DYNC2I1: variants seen among roughly 807,000 people sequenced by gnomAD.
The protein encoded by DYNC2I1 is cytoplasmic dynein 2 intermediate chain 1.
In DYNC2I1, 89 loss-of-function variants were observed where a neutral mutation model predicts 133.4. That is an observed-to-expected ratio of 0.67 (90% confidence interval 0.56 to 0.80). The LOEUF (loss-of-function observed/expected upper bound fraction) is 0.80. Ranked by LOEUF, DYNC2I1 falls within the 30% of genes least tolerant of loss-of-function variation. The pLI, the probability that DYNC2I1 is intolerant of heterozygous loss-of-function variation, is 0.00. For synonymous variants in DYNC2I1, 504 were observed against 484.3 expected (o/e 1.04, Z -0.54); for missense variants, 1,291 against 1,314.5 (o/e 0.98, Z 0.28).
In DYNC2I1 at chr7:158,927,019, A is replaced by T; in HGVS notation, c.2461A>T (p.Ile821Phe). 6.2e-7 allele frequency: 1 copy of T among 1,604,746 alleles called. No individual in the cohort carries two copies. The highest frequency in any genetic ancestry group is 8.5e-7 in the Non-Finnish European group (1 of 1,175,114). Residue 821 changes from isoleucine to phenylalanine, a missense_variant, in exon 20 of 25, where the codon ATC becomes TTC. Transcript: ENST00000407559. ...WVVVELPKAD[I>F]AGSISDLGLM... Reference sequence around the variant, plus strand: ...GGTTGTTGAATTACCAAAGGCAGACATCGCAGGTTCAATAAGTGATTTAGG... The same window carrying T: ...GGTTGTTGAATTACCAAAGGCAGACTTCGCAGGTTCAATAAGTGATTTAGG...
chr7:158,944,847 G>T (rs970640012), intron 24 of DYNC2I1, among the ~76,000 whole-genome samples: 1 of 152,158 alleles, frequency 6.6e-6, no homozygotes, highest in African/African-American at 2.4e-5. Context: ...CCCCAGCCAC[G>T]CCTGGAGTTG....
chr7:158,908,887 G>A (rs1007495244), intron 11 of DYNC2I1, among the ~76,000 whole-genome samples: 1 of 152,136 alleles, frequency 6.6e-6, no homozygotes, highest in Admixed American at 6.5e-5. Context: ...TCACCAGATG[G>A]CCCCAGGGTG....
intron 24 of DYNC2I1, among the ~76,000 whole-genome samples, chr7:158,943,758 C>T (rs1048434047): frequency 4.6e-5 from 7 of 152,158 alleles, no homozygotes; most frequent in Non-Finnish European, 8.8e-5. Flanking sequence ...TTAGGGGCAT[C>T]ATGGCTTTCC....
At chr7:158,841,200 TATATATATATA>T in the DYNC2I1 span, among the ~76,000 whole-genome samples, 2 of 49,418 alleles carry the variant, frequency 4.0e-5, no homozygotes, top group East Asian at 2.2e-3. Flanking sequence ...TATATATATA[TATATATATATA>T]TATATATATA....
Position 158,869,312 on chromosome 7 carries a change from G to A in DYNC2I1, c.16-543G>A, listed in dbSNP as rs1460764616. 1.4e-5 allele frequency: 5 copies of A among 359,980 alleles called. No individual in the cohort carries two copies. The Admixed American group carries it at 1.8e-4, about 13-fold the overall frequency. The allele number at this position is 359,980 out of a possible 1,614,324, so 22.3% of individuals were successfully genotyped here. A position where few individuals can be genotyped will look rare whatever the true frequency, so the allele number is the denominator to read the frequency against. ...AGGGACCCTCTGGGCTGTGGCATCT[G>A]CAGGGGCCTCTCCCCAGGGCTGCTT... On this transcript the variant is annotated intron_variant, in intron 1 of 24. Transcript: ENST00000407559.
At chr7:158,956,422 C>T (rs969555587) in intron 4 of DYNC2I1, among the ~76,000 whole-genome samples, 3 of 152,194 alleles carry the variant, frequency 2.0e-5, no homozygotes, top group East Asian at 1.9e-4. Context: ...AAAGCGGCAG[C>T]GGAGACAGCG....
At chr7:158,901,417 G>A (rs1357254571) in intron 8 of DYNC2I1, among the ~76,000 whole-genome samples, 1 of 151,852 alleles carries the variant, frequency 6.6e-6, no homozygotes, top group African/African-American at 2.4e-5. Flanking sequence ...GCACCATTCA[G>A]CGGGGAATAT....
At chr7:158,877,967 C>G (rs1400325217) in intron 4 of DYNC2I1, among the ~76,000 whole-genome samples, 1 of 152,232 alleles carries the variant, frequency 6.6e-6, no homozygotes, top group African/African-American at 2.4e-5. Context: ...TGAGGGCCAC[C>G]AGCATGAGGG....
chr7:158,958,194 C>G (rs1221900934), downstream of DYNC2I1, among the ~76,000 whole-genome samples: 1 of 152,242 alleles, frequency 6.6e-6, no homozygotes, highest in African/African-American at 2.4e-5. Flanking sequence ...ACAGCCTCGT[C>G]CCTACTTGAT....
In DYNC2I1 at chr7:158,876,652, A is replaced by C; in HGVS notation, c.534A>C (p.Arg178Ser). ...AAGAGAAAGATGAAGACTCTGAAAG[A>C]GGAGATGAAGATAGAGAAAGAAGAT... ...RSEEKDEDSE[R>S]GDEDRERRYR... Residue 178 changes from arginine (R) to serine (S), a missense_variant, in exon 4 of 25, where the codon AGA becomes AGC. Arg to Ser is a moderately radical substitution (Grantham distance 110). Coordinates refer to ENST00000407559, the MANE Select transcript of DYNC2I1 (RefSeq NM_018051.5). The C allele has an allele frequency of 2.5e-6, 4 of 1,582,484 alleles. No individual in the cohort carries two copies. The highest frequency in any genetic ancestry group is 3.4e-6 in the Non-Finnish European group (4 of 1,170,624).
the DYNC2I1 span, among the ~76,000 whole-genome samples, chr7:158,849,193 C>A: frequency 5.9e-5 from 9 of 152,252 alleles, no homozygotes; most frequent in East Asian, 1.5e-3. Context: ...AGAAAAGTTC[C>A]TGGGATGGGA....
chr7:158,871,476 G>T lies in DYNC2I1; in HGVS notation c.404G>T (p.Arg135Leu). The change falls in exon 3 of 25, where the codon CGG (arginine) becomes CTG (leucine). Residue 135 changes from arginine (R) to leucine (L), a missense_variant. By Grantham distance (102) the Arg-to-Leu change is moderately radical (BLOSUM62 -2). Transcript: ENST00000407559. ...AGAAGGGCCCGGAAGGAAGAGCTCC[G>T]GCAGACCGTGGCCCACCACAACCTG... Reference protein sequence around the residue: ...KDRRARKEELRQTVAHHNLLG... With the variant: ...KDRRARKEELLQTVAHHNLLG... 2 of 1,548,546 alleles carry T rather than the reference G, an allele frequency of 1.3e-6. No individual in the cohort carries two copies. Among genetic ancestry groups the T allele is most frequent in the South Asian group, 1.2e-5 (1 of 84,038 alleles).
At chr7:158,944,754 G>A (rs1161296801) in intron 24 of DYNC2I1, among the ~76,000 whole-genome samples, 1 of 152,182 alleles carries the variant, frequency 6.6e-6, no homozygotes, top group African/African-American at 2.4e-5. Context: ...GGCAGGTGAT[G>A]GCACCAAGTT....
At chr7:158,887,394 A>G (rs1189986340) in intron 7 of DYNC2I1, among the ~76,000 whole-genome samples, 2 of 152,252 alleles carry the variant, frequency 1.3e-5, no homozygotes, top group African/African-American at 4.8e-5. Context: ...GAATGAGCAA[A>G]TAATTGGTTC....
At chr7:158,947,179 C>CT (rs1265486507), downstream of DYNC2I1, among the ~76,000 whole-genome samples, 1 of 152,186 alleles carries the variant, frequency 6.6e-6, no homozygotes, top group Non-Finnish European at 1.5e-5. Context: ...CTCAGGGTCA[C>CT]AGTCACGTGG....
chr7:158,939,823 T>C (rs980215794), intron 23 of DYNC2I1, among the ~76,000 whole-genome samples: 3 of 152,154 alleles, frequency 2.0e-5, no homozygotes, highest in Non-Finnish European at 4.4e-5. Context: ...GCTATACTCA[T>C]GGCAGATAAA....
the DYNC2I1 span, among the ~76,000 whole-genome samples, chr7:158,844,994 G>GC: frequency 0.13 from 19,530 of 151,914 alleles, 1,659 homozygotes; most frequent in East Asian, 0.44. Flanking sequence ...AAATTCTAGG[G>GC]CCCCCCAACC....
At chr7:158,873,900 G>T (rs1227357502) in intron 3 of DYNC2I1, among the ~76,000 whole-genome samples, 2 of 151,886 alleles carry the variant, frequency 1.3e-5, no homozygotes, top group South Asian at 2.1e-4. Context: ...GGGACTATAA[G>T]CACACGCCAC....
chr7:158,893,971 A>C (rs539576329), intron 8 of DYNC2I1, among the ~76,000 whole-genome samples: 2 of 152,226 alleles, frequency 1.3e-5, no homozygotes, highest in South Asian at 4.1e-4. Flanking sequence ...ATCATACTGC[A>C]TATTGTAATG....
Sources: gnomAD v4.1 joint callset for allele counts (sites outside exome capture counted in the v4.1 genomes callset) on GRCh38, gnomAD v4.1.1 for gene constraint, MANE v1.5 for transcripts, NCBI Gene and HGNC (gene_info 2026-07-23, HGNC 2026-07-21) for gene names.